GDPD4: variants seen among roughly 807,000 people sequenced by gnomAD.
GDPD4 encodes the protein glycerophosphodiester phosphodiesterase domain containing 4.
In GDPD4, 60 loss-of-function variants were observed where a neutral mutation model predicts 67.8. That is an observed-to-expected ratio of 0.88 (90% CI 0.72 to 1.10). GDPD4 has a LOEUF of 1.10. GDPD4 is among the 50% of genes least tolerant of loss of function. The pLI is 0.00. For synonymous variants in GDPD4, 212 were observed against 210.9 expected (o/e 1.00, Z -0.04); for missense variants, 623 against 613.9 (o/e 1.01, Z -0.16).
rs142086334 is a variant in GDPD4, at chr11:77,258,403, A to G, written c.847T>C (p.Trp283Arg). Residue 283 changes from tryptophan to arginine, a missense_variant, in exon 11 of 17, where the codon TGG becomes CGG. Coordinates refer to ENST00000315938, the MANE Select transcript of GDPD4 (RefSeq NM_182833.3). ...TGTCTTACCTCTGGTTTTACAAACC[A>G]TTTGCCTGCATTCAGAGTCGATAGG... ...DFLSTLNAGKWFVKPELRPFY... is the reference protein window; with the variant it reads ...DFLSTLNAGKRFVKPELRPFY... 4.3e-6 allele frequency: 7 copies of G among 1,614,020 alleles called. No individual in the cohort carries two copies. The highest frequency in any genetic ancestry group is 5.9e-6 in the Non-Finnish European group (7 of 1,179,996).
rs1484799683 is a variant in GDPD4, at chr11:77,269,179, T to C, written c.479-110A>G. 2.2e-5 allele frequency: 20 copies of C among 899,958 alleles called. No homozygotes were observed. The East Asian group carries it at 3.8e-4, about 17-fold the overall frequency. The allele number at this position is 899,958 out of a possible 1,614,324, so 55.7% of individuals were successfully genotyped here. A position where few individuals can be genotyped will look rare whatever the true frequency, so the allele number is the denominator to read the frequency against. On this transcript the variant is annotated intron_variant, in intron 8 of 16. Coordinates refer to ENST00000315938, the MANE Select transcript of GDPD4 (RefSeq NM_182833.3). ...GTAAACCCACAGTCCATGGGTTTCATTGACTGTGTACTGGCTAATTTACTT... is the reference window on the plus strand; with the variant it reads ...GTAAACCCACAGTCCATGGGTTTCACTGACTGTGTACTGGCTAATTTACTT...
intron 2 of GDPD4, among the ~76,000 whole-genome samples, chr11:77,285,888 T>C (rs1272433313): frequency 6.6e-6 from 1 of 152,214 alleles, no homozygotes; most frequent in Non-Finnish European, 1.5e-5. Context: ...GAGAAGGTAC[T>C]GCTTTCTCTG....
At chr11:77,269,615 T>C (rs1317588687) in intron 8 of GDPD4, among the ~76,000 whole-genome samples, 1 of 152,202 alleles carries the variant, frequency 6.6e-6, no homozygotes, top group Non-Finnish European at 1.5e-5. Flanking sequence ...CTGCTGCTTA[T>C]ATCAACCTTA....
intron 1 of GDPD4, among the ~76,000 whole-genome samples, chr11:77,296,000 C>T (rs911712590): frequency 6.6e-6 from 1 of 151,852 alleles, no homozygotes; most frequent in South Asian, 2.1e-4. Flanking sequence ...GCCTGTAATC[C>T]CAGCACTTTG....
At chr11:77,223,328 T>C (rs1170539950) in intron 16 of GDPD4, among the ~76,000 whole-genome samples, 1 of 152,178 alleles carries the variant, frequency 6.6e-6, no homozygotes, top group Non-Finnish European at 1.5e-5. Context: ...TGTGGTTTTA[T>C]CTACCCTTGG....
At chr11:77,296,250 CAA>C (rs200238027) in intron 1 of GDPD4, among the ~76,000 whole-genome samples, 40,884 of 102,892 alleles carry the variant, frequency 0.4, 6,819 homozygotes, top group African/African-American at 0.51. Flanking sequence ...GACTTCGTCT[CAA>C]AAAAAAAAAA....
In GDPD4 at chr11:77,264,791, G is replaced by T. The variant is rs112777406; in HGVS notation, c.707+3666C>A. On this transcript the variant is annotated intron_variant, in intron 10 of 16. Transcript: ENST00000315938. ...CAAGACACTCACCCTAAAATATGAC[G>T]GCAGGAGACCAGAATATGCCACCCC... Among the ~76,000 whole-genome samples, 507 of 152,074 alleles carry T rather than the reference G, an allele frequency of 3.3e-3. 1 individual carries two copies. Among genetic ancestry groups the T allele is most frequent in the African/African-American group, 0.011 (471 of 41,486 alleles).
chr11:77,225,666 C>T (rs569402362), intron 16 of GDPD4, among the ~76,000 whole-genome samples: 9 of 152,260 alleles, frequency 5.9e-5, no homozygotes, highest in African/African-American at 9.6e-5. Context: ...AAACTACATA[C>T]GACAGAAGAC....
intron 1 of GDPD4, among the ~76,000 whole-genome samples, chr11:77,298,891 T>C (rs575113208): frequency 8.2e-4 from 125 of 152,204 alleles, no homozygotes; most frequent in African/African-American, 2.7e-3. Flanking sequence ...AAAATCATGA[T>C]ATATAGGGTT....
At chr11:77,284,708 A>G (rs1044168053) in intron 3 of GDPD4, among the ~76,000 whole-genome samples, 5 of 152,194 alleles carry the variant, frequency 3.3e-5, no homozygotes, top group Non-Finnish European at 7.4e-5. Flanking sequence ...GCAGCAGAGA[A>G]GGCAGGGTTC....
chr11:77,243,856 G>A lies in GDPD4; in HGVS notation c.1087-8C>T, dbSNP rs1343162310. 6.2e-7 allele frequency: 1 copy of A among 1,608,928 alleles called. No homozygotes were observed. The highest frequency in any genetic ancestry group is 1.7e-5 in the Admixed American group (1 of 59,638). ...AGCTGGCAACCAAAAAATCTCTAAG[G>A]AGAAACAAGAAGTCCCTCAGTAGAT... On this transcript the variant is annotated splice_polypyrimidine_tract_variant and splice_region_variant and intron_variant, in intron 12 of 16. Transcript: ENST00000315938.
At chr11:77,222,588 G>A (rs1565503731) in intron 16 of GDPD4, among the ~76,000 whole-genome samples, 1 of 152,156 alleles carries the variant, frequency 6.6e-6, no homozygotes, top group Non-Finnish European at 1.5e-5. Context: ...TAAAGTTTCT[G>A]CTGAGAGATC....
chr11:77,276,167 A>G lies in GDPD4; in HGVS notation c.201T>C (p.Cys67=). Residue 67 remains cysteine, a synonymous_variant, in exon 5 of 17, where the codon TGT becomes TGC. Transcript: ENST00000315938. ...GTGGACTCAGATGTCCTACCTTATG[A>G]CACAAGTGCAGGTATAGTTCAATCC... The part of the protein sequence containing the change: ...WERIELYLHL[C]HKILILLVIL... 1 of 1,612,806 alleles carries G rather than the reference A, an allele frequency of 6.2e-7. No homozygotes were observed. Among genetic ancestry groups the G allele is most frequent in the Non-Finnish European group, 8.5e-7 (1 of 1,178,804 alleles).
At chr11:77,270,849 ACAGT>A (rs1959212125) in intron 7 of GDPD4, 1 of 333,992 alleles carries the variant, frequency 3.0e-6, no homozygotes. Context: ...CCATCTTCAG[ACAGT>A]CAATGTATAA....
At chr11:77,285,213 C>A (rs1959945252) in intron 2 of GDPD4, 26 bp from the exon 3 acceptor site, 20 of 1,183,628 alleles carry the variant, frequency 1.7e-5, no homozygotes, top group Admixed American at 3.7e-5. Flanking sequence ...AGAAATCTAA[C>A]TTAGCTCCAT....
chr11:77,300,189 A>G (rs765848930), intron 1 of GDPD4, among the ~76,000 whole-genome samples: 3 of 151,838 alleles, frequency 2.0e-5, no homozygotes, highest in Non-Finnish European at 2.9e-5. Context: ...ACTCCCGCCA[A>G]ACCACTCACC....
At chr11:77,237,639 A>G (rs1958591785) in intron 13 of GDPD4, among the ~76,000 whole-genome samples, 1 of 152,266 alleles carries the variant, frequency 6.6e-6, no homozygotes, top group South Asian at 2.1e-4. Flanking sequence ...TAAATTAGAA[A>G]TCAATAACTG....
intron 10 of GDPD4, among the ~76,000 whole-genome samples, chr11:77,259,779 C>G (rs1353755043): frequency 6.6e-6 from 1 of 152,088 alleles, no homozygotes; most frequent in Non-Finnish European, 1.5e-5. Context: ...AAAACAAACA[C>G]ACAGTTCCAA....
At chr11:77,277,783 G>GA (rs1212892615) in intron 4 of GDPD4, among the ~76,000 whole-genome samples, 4 of 151,662 alleles carry the variant, frequency 2.6e-5, no homozygotes, top group Non-Finnish European at 5.9e-5. Context: ...GCTAGCTTTT[G>GA]AATGTGTTTG....
Sources: allele counts gnomAD v4.1 joint callset (sites outside exome capture counted in the v4.1 genomes callset), GRCh38; gene constraint gnomAD v4.1.1; transcripts MANE v1.5; gene names NCBI Gene and HGNC (gene_info 2026-07-23, HGNC 2026-07-21).